Variants in AK8 observed in about 807,000 individuals in gnomAD.
The protein encoded by AK8 is adenylate kinase 8.
In AK8, 44 loss-of-function variants were observed where a neutral mutation model predicts 54.6. The observed-to-expected ratio is 0.81, with a 90% confidence interval of 0.63 to 1.04. The LOEUF is 1.04. Ranked by LOEUF, AK8 falls within the 50% of genes least tolerant of loss-of-function variation. The pLI is 0.00. For missense variants in AK8, 555 were observed against 613.6 expected (o/e 0.90, Z 1.01); for synonymous variants, 239 against 245.6 (o/e 0.97, Z 0.25).
At chr9:132,733,724 A>G (rs1043909879) in intron 11 of AK8, among the ~76,000 whole-genome samples, 1 of 152,264 alleles carries the variant, frequency 6.6e-6, no homozygotes, top group Non-Finnish European at 1.5e-5. Context: ...TGCTCTGTGC[A>G]TGCCACCAGC....
intron 10 of AK8, among the ~76,000 whole-genome samples, chr9:132,801,722 G>A (rs1425676544): frequency 6.6e-6 from 1 of 152,228 alleles, no homozygotes; most frequent in African/African-American, 2.4e-5. Context: ...AAGCATGTAT[G>A]CTACAGTGCA....
rs139183283 is a variant in AK8 at position 132,799,160 on chromosome 9, T to C, written c.980-6385A>G. Among the ~76,000 whole-genome samples the C allele has an allele frequency of 6.7e-3, 1,019 of 152,260 alleles. 5 individuals carry two copies. The highest frequency in any genetic ancestry group is 0.019 in the African/African-American group (789 of 41,540). On this transcript the variant is annotated intron_variant, in intron 10 of 12. Transcript: ENST00000298545. The surrounding 1 kb of genome is among the most constrained non-coding windows in gnomAD (Gnocchi z 5.0). ...AGCAGGCACCAGAGGCCCCTCCTGC[T>C]GCGCCACGCCGCCGCCTGCTGTCCG...
chr9:132,727,354 G>C, intron 12 of AK8, 100 bp downstream of exon 12: 1 of 1,108,902 alleles, frequency 9.0e-7, no homozygotes, highest in Non-Finnish European at 1.4e-6. Flanking sequence ...GTGGTCACCA[G>C]TGTTATCCCT....
At chr9:132,862,754 G>A (rs997154676) in intron 4 of AK8, among the ~76,000 whole-genome samples, 2 of 152,170 alleles carry the variant, frequency 1.3e-5, no homozygotes, top group Admixed American at 1.3e-4. Flanking sequence ...GACTGTGCCT[G>A]ACACGTGACT....
At chr9:132,857,965 C>T (rs892237169) in intron 4 of AK8, among the ~76,000 whole-genome samples, 3 of 152,226 alleles carry the variant, frequency 2.0e-5, no homozygotes, top group South Asian at 4.1e-4. Context: ...AGCCTCCCTC[C>T]TTGCAGAGCA....
rs755993631 is a variant in AK8, at chr9:132,781,649, T to C, written c.1121+10985A>G. 2.6e-5 allele frequency among the ~76,000 whole-genome samples: 4 copies of C among 152,236 alleles called. No individual in the cohort carries two copies. The highest frequency in any genetic ancestry group is 7.2e-5 in the African/African-American group (3 of 41,462). On this transcript the variant is annotated intron_variant, in intron 11 of 12. Transcript: ENST00000298545. This position sits in a 1 kb window ranked among gnomAD's most constrained non-coding sequence, Gnocchi z 4.6. Reference sequence around the variant, plus strand: ...TTTGTAGATTTTCATATCTGAATTATAGATTTCTGTATCGTATTCCCAGAT... The same window carrying C: ...TTTGTAGATTTTCATATCTGAATTACAGATTTCTGTATCGTATTCCCAGAT...
intron 4 of AK8, among the ~76,000 whole-genome samples, chr9:132,856,871 AG>A (rs1259842243): frequency 1.3e-5 from 2 of 152,146 alleles, no homozygotes; most frequent in African/African-American, 4.8e-5. Context: ...GGGAAGAAAA[AG>A]GGGAGATAGC....
intron 1 of AK8, among the ~76,000 whole-genome samples, chr9:132,877,271 T>C (rs1245220876): frequency 2.6e-5 from 4 of 152,218 alleles, no homozygotes; most frequent in African/African-American, 9.6e-5. Flanking sequence ...AGTTAACACT[T>C]TCCGAGGGAA....
chr9:132,741,189 C>T (rs559733565), intron 11 of AK8, among the ~76,000 whole-genome samples: 1 of 152,358 alleles, frequency 6.6e-6, no homozygotes, highest in African/African-American at 2.4e-5. Context: ...CAGGAGCACA[C>T]TTTAAAAACT....
intron 5 of AK8, among the ~76,000 whole-genome samples, chr9:132,839,592 G>A (rs1236129271): frequency 6.6e-6 from 1 of 152,154 alleles, no homozygotes; most frequent in East Asian, 1.9e-4. Context: ...CTGCTCAGCA[G>A]CACCGGGGAG....
rs2809253 is a variant in AK8 at position 132,817,396 on chromosome 9, G to C, written c.890-2669C>G. ...TCCTATGAGGAGAGAAAACAGGCCA[G>C]AGAATCAGATCGGGGATGACACACA... On this transcript the variant is annotated intron_variant, in intron 9 of 12. Transcript: ENST00000298545. 4.6e-5 allele frequency among the ~76,000 whole-genome samples: 7 copies of C among 152,298 alleles called. No homozygotes were observed. In the South Asian group the frequency reaches 1.5e-3, roughly 32 times the overall value.
intron 11 of AK8, among the ~76,000 whole-genome samples, chr9:132,735,738 G>A (rs577665206): frequency 3.9e-5 from 6 of 152,154 alleles, no homozygotes; most frequent in Non-Finnish European, 7.3e-5. Flanking sequence ...CCGAAAGCAG[G>A]GACTTGAACA....
In AK8 at chr9:132,790,297, C is replaced by A. The variant is rs906317474; in HGVS notation, c.1121+2337G>T. Among the ~76,000 whole-genome samples, 1 of 151,918 alleles carries A rather than the reference C, an allele frequency of 6.6e-6. No individual in the cohort carries two copies. Among genetic ancestry groups the A allele is most frequent in the Non-Finnish European group, 1.5e-5 (1 of 67,978 alleles). ...ACGGAGTCTCACTCTGTCGCTCAGG[C>A]TGGAGCGCAGTGGCGTGATCTCAGC... On this transcript the variant is annotated intron_variant, in intron 11 of 12. Coordinates refer to ENST00000298545, the MANE Select transcript of AK8 (RefSeq NM_152572.3). The surrounding 1 kb of genome is among the most constrained non-coding windows in gnomAD (Gnocchi z 4.1).
chr9:132,818,348 ATGAC>A (rs1841424238), intron 9 of AK8, among the ~76,000 whole-genome samples: 1 of 152,200 alleles, frequency 6.6e-6, no homozygotes, highest in Admixed American at 6.5e-5. Flanking sequence ...TAAAAGATGA[ATGAC>A]TATTTAAAAC....
chr9:132,788,631 G>C (rs1839816143), intron 11 of AK8, among the ~76,000 whole-genome samples: 2 of 152,168 alleles, frequency 1.3e-5, no homozygotes, highest in South Asian at 2.1e-4. Context: ...TTTAAAGACA[G>C]GGGAAAGGGG....
At chr9:132,782,171 T>G (rs1839503529) in intron 11 of AK8, among the ~76,000 whole-genome samples, 1 of 152,050 alleles carries the variant, frequency 6.6e-6, no homozygotes, top group South Asian at 2.1e-4. Flanking sequence ...TCAAATCGGT[T>G]CTTGAATATT....
intron 5 of AK8, among the ~76,000 whole-genome samples, chr9:132,844,906 G>A (rs1564434670): frequency 6.6e-6 from 1 of 152,158 alleles, no homozygotes; most frequent in African/African-American, 2.4e-5. Context: ...CAAGAACAGT[G>A]GCCAATAGTA....
chr9:132,749,265 C>T (rs1266232812), intron 11 of AK8, among the ~76,000 whole-genome samples: 1 of 151,938 alleles, frequency 6.6e-6, no homozygotes, highest in Non-Finnish European at 1.5e-5. Flanking sequence ...AACCACCATC[C>T]CCTATTTGAT....
chr9:132,800,836 A>G (rs1440277721), intron 10 of AK8, among the ~76,000 whole-genome samples: 1 of 152,052 alleles, frequency 6.6e-6, no homozygotes, highest in African/African-American at 2.4e-5. Flanking sequence ...GCAAAAGGCA[A>G]AGACAAGACT....
Sources: allele counts gnomAD v4.1 joint callset (sites outside exome capture counted in the v4.1 genomes callset), GRCh38; gene constraint gnomAD v4.1.1; non-coding constraint Gnocchi (gnomAD v3.1); transcripts MANE v1.5; gene names NCBI Gene and HGNC (gene_info 2026-07-23, HGNC 2026-07-21).